DHX40: variants seen among roughly 807,000 people sequenced by gnomAD.
DHX40 encodes probable ATP-dependent RNA helicase DHX40.
Under a neutral mutation model 89.6 loss-of-function variants are expected in DHX40, and 28 were observed. That is an observed-to-expected ratio of 0.31 (90% CI 0.23 to 0.43). The LOEUF (loss-of-function observed/expected upper bound fraction) is 0.43, where lower values mean the gene tolerates loss of function less well. Among genes scored for constraint, DHX40 ranks in the 20% least tolerant of loss-of-function variants. The pLI is 1.00. For synonymous variants in DHX40, 226 were observed against 283.6 expected (o/e 0.80, Z 2.04); for missense variants, 457 against 844.0 (o/e 0.54, Z 5.68).
intron 12 of DHX40, among the ~76,000 whole-genome samples, chr17:59,597,620 T>G (rs1219091205): frequency 6.6e-6 from 1 of 152,002 alleles, no homozygotes. Flanking sequence ...AGTGATGCGA[T>G]CACGGCTCAC....
In DHX40 at chr17:59,569,711, CTATA is replaced by C. The variant is rs10607665; in HGVS notation, c.281-796_281-793del. 1.1e-4 allele frequency among the ~76,000 whole-genome samples: 15 copies of C among 140,670 alleles called. No individual in the cohort carries two copies. In the East Asian group the frequency reaches 2.8e-3, roughly 26 times the overall value. 92.3% of individuals were successfully genotyped at this position (140,670 alleles called of 152,430 possible). A position where few individuals can be genotyped will look rare whatever the true frequency, so the allele number is the denominator to read the frequency against. On this transcript the variant is annotated intron_variant, in intron 2 of 17. Transcript: ENST00000251241. ...AAAAAAGAAAAAAATATATATATATCTATATATATATATAGATATATATATAATT... is the reference window on the plus strand; with the variant it reads ...AAAAAAGAAAAAAATATATATATATCTATATATATAGATATATATATAATT...
intron 3 of DHX40, 126 bp downstream of exon 3, chr17:59,570,789 TCTC>T (rs1227039643): frequency 3.3e-6 from 3 of 918,346 alleles, no homozygotes; most frequent in Non-Finnish European, 1.5e-6. Flanking sequence ...GCTCAAGTGA[TCTC>T]CTACCTCAGC....
intron 3 of DHX40, among the ~76,000 whole-genome samples, chr17:59,572,332 T>C (rs1334750277): frequency 6.6e-6 from 1 of 152,192 alleles, no homozygotes; most frequent in Non-Finnish European, 1.5e-5. Flanking sequence ...GTTGCTGTTA[T>C]TCCTACCCTT....
chr17:59,586,132 A>G, intron 10 of DHX40, 21 bp from the exon 11 acceptor site: 1 of 1,540,296 alleles, frequency 6.5e-7, no homozygotes, highest in Non-Finnish European at 8.9e-7. Flanking sequence ...CTCTCACTTC[A>G]TATCTCATTT....
At chr17:59,602,719 G>C (rs1472965839) in intron 15 of DHX40, 103 bp downstream of exon 15, 1 of 1,018,224 alleles carries the variant, frequency 9.8e-7, no homozygotes, top group African/African-American at 1.6e-5. Context: ...TTTAAGCTCT[G>C]TGATGATTAT....
chr17:59,570,162 AAT>A (rs1350259277), intron 2 of DHX40, among the ~76,000 whole-genome samples: 39 of 127,154 alleles, frequency 3.1e-4, no homozygotes, highest in Non-Finnish European at 4.2e-4. Context: ...TAATACATAT[AAT>A]ATGTTATATA....
chr17:59,602,741 C>A, intron 15 of DHX40, 125 bp downstream of exon 15: 1 of 853,756 alleles, frequency 1.2e-6, no homozygotes, highest in East Asian at 2.9e-5. Flanking sequence ...ACATGAATTA[C>A]AGTGACGAGG....
intron 17 of DHX40, 134 bp from the exon 18 acceptor site, chr17:59,606,899 G>A: frequency 2.2e-6 from 2 of 896,760 alleles, no homozygotes; most frequent in East Asian, 2.6e-5. Context: ...GCTTTTGAAA[G>A]GGCAAAATTT....
chr17:59,576,640 G>A (rs1012579300), intron 7 of DHX40, among the ~76,000 whole-genome samples: 2 of 151,694 alleles, frequency 1.3e-5, no homozygotes, highest in Non-Finnish European at 1.5e-5. Context: ...TCATCTTCAG[G>A]GAAATTCTTA....
Position 59,608,062 on chromosome 17 carries a change from G to A in DHX40, c.*890G>A, listed in dbSNP as rs539740069. On this transcript the variant is annotated 3_prime_UTR_variant, in exon 18 of 18. Coordinates refer to ENST00000251241, the MANE Select transcript of DHX40 (RefSeq NM_024612.5). ...TTCCATTATGCCAAACTTGGGATGG[G>A]ATTTTCGAAGCAGACAACACTATTT... 36 of 154,808 alleles carry A rather than the reference G, an allele frequency of 2.3e-4. No individual in the cohort carries two copies. In the South Asian group the frequency reaches 7.3e-3, roughly 32 times the overall value. The allele number at this position is 154,808 out of a possible 1,614,324, so 9.6% of individuals were successfully genotyped here. A position where few individuals can be genotyped will look rare whatever the true frequency, so the allele number is the denominator to read the frequency against.
chr17:59,606,762 A>G (rs1021562801), intron 17 of DHX40, among the ~76,000 whole-genome samples: 1 of 151,572 alleles, frequency 6.6e-6, no homozygotes, highest in Non-Finnish European at 1.5e-5. Flanking sequence ...AAAAAAAAAA[A>G]GAAAAGAAAT....
At chr17:59,605,425 T>C (rs923695953) in intron 16 of DHX40, 21 bp from the exon 17 acceptor site, 1 of 1,601,338 alleles carries the variant, frequency 6.2e-7, no homozygotes. Flanking sequence ...TTACCATCAT[T>C]AAAAGAAATG....
In DHX40 at chr17:59,581,773, A is replaced by C. The variant is rs2523382; in HGVS notation, c.1343+1894A>C. ...AAACTCTGTCTCCAAAAAAAAAAAA[A>C]AACCAAAAAAAGCAAAAAAAAACCC... On this transcript the variant is annotated intron_variant, in intron 10 of 17. Transcript: ENST00000251241. 7.1e-3 allele frequency among the ~76,000 whole-genome samples: 860 copies of C among 121,450 alleles called. 75 individuals are homozygous for C. The highest frequency in any genetic ancestry group is 0.03 in the African/African-American group (785 of 26,018). The allele number at this position is 121,450 out of a possible 152,430, so 79.7% of individuals were successfully genotyped here.
At chr17:59,602,427 A>G in intron 14 of DHX40, 95 bp from the exon 15 acceptor site, 1 of 1,157,650 alleles carries the variant, frequency 8.6e-7, no homozygotes, top group Non-Finnish European at 1.2e-6. Context: ...TGTTGGCCAG[A>G]AACAGAGGTC....
intron 15 of DHX40, chr17:59,603,644 G>A (rs185676415): frequency 2.6e-5 from 4 of 152,250 alleles, no homozygotes; most frequent in Non-Finnish European, 4.4e-5. Flanking sequence ...GTCTATCGTG[G>A]TATAAATAAA....
At chr17:59,565,958 G>A (rs911260413) in intron 1 of DHX40, among the ~76,000 whole-genome samples, 175 bp downstream of exon 1, 1 of 151,942 alleles carries the variant, frequency 6.6e-6, no homozygotes, top group Admixed American at 6.6e-5. Flanking sequence ...TGCCTTAGAG[G>A]GGGGCGGTCC....
chr17:59,588,998 T>C (rs2049041129), intron 12 of DHX40, among the ~76,000 whole-genome samples: 1 of 152,130 alleles, frequency 6.6e-6, no homozygotes, highest in African/African-American at 2.4e-5. Flanking sequence ...TATTCTTATA[T>C]GGGTCTGTTT....
At chr17:59,589,375 C>T (rs2143297795) in intron 12 of DHX40, among the ~76,000 whole-genome samples, 1 of 151,652 alleles carries the variant, frequency 6.6e-6, no homozygotes, top group East Asian at 1.9e-4. Context: ...GCGCCCGCCA[C>T]AACGCCCGGC....
At chr17:59,586,259 A>G (rs1437562051) in intron 11 of DHX40, 26 bp downstream of exon 11, 11 of 1,423,974 alleles carry the variant, frequency 7.7e-6, no homozygotes, top group Non-Finnish European at 1.1e-5. Flanking sequence ...AAAAATCACA[A>G]TCAAAACAGA....
Sources: gnomAD v4.1 joint callset for allele counts (sites outside exome capture counted in the v4.1 genomes callset) on GRCh38, gnomAD v4.1.1 for gene constraint, MANE v1.5 for transcripts, NCBI Gene and HGNC (gene_info 2026-07-23, HGNC 2026-07-21) for gene names.